Variants in VPS13B observed in about 807,000 individuals in gnomAD.
VPS13B encodes vacuolar protein sorting 13 homolog B, also known as intermembrane lipid transfer protein VPS13B.
A neutral mutation model predicts 426.4 loss-of-function variants in VPS13B; 285 were observed. The ratio of observed to expected loss-of-function variants is 0.67; its 90% CI spans 0.61 to 0.74. VPS13B has a LOEUF of 0.74. Among genes scored for constraint, VPS13B ranks in the 30% least tolerant of loss-of-function variants. The pLI is 0.00. For synonymous variants in VPS13B, 1,676 were observed against 1,676.4 expected, an observed-to-expected ratio of 1.00 and a Z score of 0.01; for missense variants, 4,537 against 4,782.6, an observed-to-expected ratio of 0.95 and a Z score of 1.51.
intron 4 of VPS13B, 74 bp downstream of exon 4, chr8:99,096,506 A>G: frequency 6.3e-7 from 1 of 1,596,848 alleles, no homozygotes; most frequent in Non-Finnish European, 8.6e-7. Context: ...CTGTAATCCC[A>G]GTGCTTTGGG....
At chr8:99,084,884 A>G (rs1845688956) in intron 3 of VPS13B, among the ~76,000 whole-genome samples, 1 of 152,148 alleles carries the variant, frequency 6.6e-6, no homozygotes, top group South Asian at 2.1e-4. Context: ...CTATGTGATC[A>G]ATTTTGGAAT....
intron 40 of VPS13B, among the ~76,000 whole-genome samples, chr8:99,770,197 C>A (rs1811412682): frequency 6.6e-6 from 1 of 152,130 alleles, no homozygotes; most frequent in Non-Finnish European, 1.5e-5. Context: ...GTTCCTATAT[C>A]TTTAACTAAT....
intron 17 of VPS13B, among the ~76,000 whole-genome samples, chr8:99,194,106 A>G (rs1403965000): frequency 6.6e-6 from 1 of 152,168 alleles, no homozygotes; most frequent in Non-Finnish European, 1.5e-5. Context: ...AAGAGTTTTG[A>G]ATTTTGAAGC....
At chr8:99,273,603 GCTGAAACCGCGTCT>G (rs978399622) in intron 17 of VPS13B, among the ~76,000 whole-genome samples, 8 of 152,018 alleles carry the variant, frequency 5.3e-5, no homozygotes, top group African/African-American at 1.9e-4. Context: ...TGGCCAACAT[GCTGAAACCGCGTCT>G]CTACTAAAAA....
At chr8:99,664,897 A>T (rs1192167574) in intron 35 of VPS13B, among the ~76,000 whole-genome samples, 3 of 152,148 alleles carry the variant, frequency 2.0e-5, no homozygotes, top group Non-Finnish European at 4.4e-5. Flanking sequence ...CGCCACACTG[A>T]CTTCCACAAT....
intron 33 of VPS13B, among the ~76,000 whole-genome samples, chr8:99,636,181 T>A (rs1480359461): frequency 1.3e-5 from 2 of 152,036 alleles, no homozygotes. Flanking sequence ...CTGGTTGTGC[T>A]CAAGGCTTTA....
At chr8:99,076,104 T>A (rs527380934) in intron 3 of VPS13B, among the ~76,000 whole-genome samples, 18 of 152,344 alleles carry the variant, frequency 1.2e-4, no homozygotes, top group Admixed American at 5.2e-4. Flanking sequence ...TAAATTACTT[T>A]ATTAATGGAG....
At chr8:99,215,857 G>A (rs113901932) in intron 17 of VPS13B, among the ~76,000 whole-genome samples, 7,580 of 152,166 alleles carry the variant, frequency 0.05, 280 homozygotes, top group Middle Eastern at 0.071. Context: ...TAGAGGATGC[G>A]GGGAAGGCAA....
At chr8:99,669,430 A>G (rs868776876) in intron 35 of VPS13B, among the ~76,000 whole-genome samples, 5 of 152,274 alleles carry the variant, frequency 3.3e-5, no homozygotes, top group Middle Eastern at 3.4e-3. Context: ...TAGCCATGAA[A>G]TGACATTTAA....
At chr8:99,314,022 TA>T (rs1345283847) in intron 19 of VPS13B, among the ~76,000 whole-genome samples, 2 of 152,064 alleles carry the variant, frequency 1.3e-5, no homozygotes, top group Non-Finnish European at 2.9e-5. Context: ...TGGAAAAGTG[TA>T]GTAGTAGGGT....
chr8:99,828,891 G>A (rs111586952), intron 51 of VPS13B, among the ~76,000 whole-genome samples: 428 of 152,224 alleles, frequency 2.8e-3, no homozygotes, highest in African/African-American at 9.9e-3. Flanking sequence ...ATTCTGGATT[G>A]AAACATTTTC....
intron 39 of VPS13B, among the ~76,000 whole-genome samples, chr8:99,742,740 A>G (rs914322415): frequency 1.3e-5 from 2 of 152,220 alleles, no homozygotes; most frequent in African/African-American, 4.8e-5. Flanking sequence ...GATTATCTCA[A>G]TAGATGCAGA....
At chr8:99,508,010 C>T in intron 28 of VPS13B, 1 of 1,550,378 alleles carries the variant, frequency 6.5e-7, no homozygotes, top group East Asian at 2.3e-5. Context: ...TTTGTGTTTT[C>T]CTCCATATCA....
Position 99,139,156 on chromosome 8 carries a change from C to T in VPS13B, c.1651+2404C>T, listed in dbSNP as rs532494950. Among the ~76,000 whole-genome samples, 5 of 152,322 alleles carry T rather than the reference C, an allele frequency of 3.3e-5. No individual in the cohort carries two copies. In the South Asian group the frequency reaches 1.0e-3, roughly 32 times the overall value. Reference sequence around the variant, plus strand: ...TTAAAACTGAACACCTGTGTATTCTCCACGCACACCAAGAAATAGGACATT... The same window carrying T: ...TTAAAACTGAACACCTGTGTATTCTTCACGCACACCAAGAAATAGGACATT... On this transcript the variant is annotated intron_variant, in intron 12 of 61. Transcript: ENST00000357162.
chr8:99,817,711 A>G lies in VPS13B; in HGVS notation c.8269A>G (p.Thr2757Ala), dbSNP rs750066675. 3.1e-6 allele frequency: 5 copies of G among 1,614,080 alleles called. No homozygotes were observed. Among genetic ancestry groups the G allele is most frequent in the Non-Finnish European group, 4.2e-6 (5 of 1,179,984 alleles). The part of the protein sequence containing the change: ...PSYILENNEL[T>A]ELCVKAKGDE... ...GTACATACTAGAAAACAATGAACTG[A>G]CGGAGCTGTGTGTGAAGGCCAAAGG... is the stretch of plus-strand genomic sequence containing the variant. The change falls in exon 45 of 62, where the codon ACG becomes GCG. Residue 2757 changes from threonine (T) to alanine (A), a missense_variant. Physicochemically the swap from Thr to Ala is moderately conservative, Grantham distance 58. Transcript: ENST00000357162.
At chr8:99,590,971 A>T (rs1258763748) in intron 33 of VPS13B, among the ~76,000 whole-genome samples, 5 of 152,016 alleles carry the variant, frequency 3.3e-5, no homozygotes, top group Non-Finnish European at 5.9e-5. Flanking sequence ...GTGGGAGTCT[A>T]AGTCTCTTTG....
chr8:99,293,730 G>T (rs921617140), intron 19 of VPS13B, among the ~76,000 whole-genome samples: 8 of 151,782 alleles, frequency 5.3e-5, no homozygotes, highest in Admixed American at 2.6e-4. Flanking sequence ...AAAGCGGGTG[G>T]ACATGAACAG....
At position 99,832,494 on chromosome 8, in the gene VPS13B, A is replaced by G. The variant is rs1815134452; in HGVS notation, c.9456A>G (p.Ala3152=). ...ACATCAGTCAGTCAGTACTGGATGC[A>G]TCCCTGCTTCAGAAACAGATCATGC... ...MPDISQSVLD[A]SLLQKQIMLG... Residue 3152 remains alanine (A), a synonymous_variant, in exon 52 of 62, where the codon GCA becomes GCG. Coordinates refer to ENST00000357162, the MANE Select transcript of VPS13B (RefSeq NM_152564.5). The G allele has an allele frequency of 6.2e-7, 1 of 1,613,548 alleles. No homozygotes were observed. Among genetic ancestry groups the G allele is most frequent in the African/African-American group, 1.3e-5 (1 of 74,820 alleles).
At chr8:99,518,203 G>C (rs1377933310) in intron 29 of VPS13B, among the ~76,000 whole-genome samples, 1 of 151,996 alleles carries the variant, frequency 6.6e-6, no homozygotes. Context: ...TTCATATGGT[G>C]AGTAGTATCT....
Sources: allele counts gnomAD v4.1 joint callset (sites outside exome capture counted in the v4.1 genomes callset), GRCh38; gene constraint gnomAD v4.1.1; transcripts MANE v1.5; gene names NCBI Gene and HGNC (gene_info 2026-07-23, HGNC 2026-07-21).